ADAMTS16: variants seen among roughly 807,000 people sequenced by gnomAD.
ADAMTS16 encodes A disintegrin and metalloproteinase with thrombospondin motifs 16.
A neutral mutation model predicts 145.8 loss-of-function variants in ADAMTS16; 94 were observed. The observed-to-expected ratio is 0.64, with a 90% CI of 0.55 to 0.77. ADAMTS16 has a LOEUF of 0.77. ADAMTS16 is among the 30% of genes least tolerant of loss of function. ADAMTS16 has a pLI of 0.00. For synonymous variants in ADAMTS16, 659 were observed against 604.3 expected, an observed-to-expected ratio of 1.09 and a Z score of -1.33; for missense variants, 1,585 against 1,591.5, an observed-to-expected ratio of 1.00 and a Z score of 0.07.
chr5:5,166,606 G>C (rs1230430951), intron 3 of ADAMTS16, among the ~76,000 whole-genome samples: 1 of 152,084 alleles, frequency 6.6e-6, no homozygotes, highest in African/African-American at 2.4e-5. Context: ...TAAATCAGTA[G>C]AGAAAAAAAT....
At chr5:5,224,352 C>T (rs1284291970) in intron 11 of ADAMTS16, among the ~76,000 whole-genome samples, 3 of 151,982 alleles carry the variant, frequency 2.0e-5, no homozygotes, top group Non-Finnish European at 2.9e-5. Context: ...TGCAGTGGTG[C>T]GATCTCAGCT....
intron 6 of ADAMTS16, among the ~76,000 whole-genome samples, chr5:5,189,535 G>GA (rs1735599611): frequency 1.3e-5 from 2 of 152,108 alleles, no homozygotes; most frequent in South Asian, 4.1e-4. Context: ...TTATTTATTG[G>GA]AAATCCCACT....
chr5:5,199,767 T>C (rs1735906248), intron 8 of ADAMTS16, among the ~76,000 whole-genome samples: 1 of 152,124 alleles, frequency 6.6e-6, no homozygotes, highest in African/African-American at 2.4e-5. Flanking sequence ...CGAACACCCA[T>C]GGAAACTCTA....
At chr5:5,251,950 C>A (rs1399530863) in intron 17 of ADAMTS16, among the ~76,000 whole-genome samples, 3 of 152,100 alleles carry the variant, frequency 2.0e-5, no homozygotes, top group Non-Finnish European at 4.4e-5. Flanking sequence ...TCCCGGGTTC[C>A]CGCCATTCTC....
At chr5:5,255,698 A>G (rs1176680581) in intron 17 of ADAMTS16, among the ~76,000 whole-genome samples, 1 of 152,178 alleles carries the variant, frequency 6.6e-6, no homozygotes, top group Non-Finnish European at 1.5e-5. Context: ...TAGAAAATGT[A>G]CTCCTGATTT....
chr5:5,206,747 G>C (rs1736136100), intron 9 of ADAMTS16, among the ~76,000 whole-genome samples: 1 of 152,052 alleles, frequency 6.6e-6, no homozygotes, highest in South Asian at 2.1e-4. Context: ...CTCCCTAAGT[G>C]CTGGGATTAC....
In ADAMTS16 at chr5:5,153,411, G is replaced by T. The variant is rs534283848; in HGVS notation, c.501+6956G>T. 8.6e-5 allele frequency among the ~76,000 whole-genome samples: 13 copies of T among 150,764 alleles called. No individual in the cohort carries two copies. In the East Asian group the frequency reaches 1.6e-3, roughly 19 times the overall value. Reference sequence around the variant, plus strand: ...ATTAACCTAAATTCATTTTGTTCTTGTAATGAGTGATTGTATTTCCAATTT... The same window carrying T: ...ATTAACCTAAATTCATTTTGTTCTTTTAATGAGTGATTGTATTTCCAATTT... On this transcript the variant is annotated intron_variant, in intron 3 of 22. Coordinates refer to ENST00000274181, the MANE Select transcript of ADAMTS16 (RefSeq NM_139056.4).
intron 18 of ADAMTS16, among the ~76,000 whole-genome samples, chr5:5,288,403 G>A (rs1739180190): frequency 6.6e-6 from 1 of 152,204 alleles, no homozygotes; most frequent in South Asian, 2.1e-4. Context: ...CCGGTGAGAG[G>A]CAGGAAAAGA....
In ADAMTS16 at chr5:5,310,322, C is replaced by T. The variant is rs1740370133; in HGVS notation, c.3411+3594C>T. On this transcript the variant is annotated intron_variant, in intron 21 of 22. Coordinates refer to ENST00000274181, the MANE Select transcript of ADAMTS16 (RefSeq NM_139056.4). This position sits in a 1 kb window ranked among gnomAD's most constrained non-coding sequence, Gnocchi z 4.3. ...CAATTCCCTTTTCTGTGGCCACTTC[C>T]AGCCCGCCACTGGTCATCTCTCCTC... 6.6e-6 allele frequency among the ~76,000 whole-genome samples: 1 copy of T among 152,144 alleles called. No homozygotes were observed. The highest frequency in any genetic ancestry group is 2.1e-4 in the South Asian group (1 of 4,828).
In ADAMTS16 at chr5:5,320,203, G is replaced by T; in HGVS notation, c.*1065G>T. ...GCACCCTCCCTGCCATCCTCAGTGC[G>T]GCTGCTGTTCTCCTGTCCGGTGCTG... On this transcript the variant is annotated 3_prime_UTR_variant, in exon 23 of 23. Transcript: ENST00000274181. The surrounding 1 kb of genome is among the most constrained non-coding windows in gnomAD (Gnocchi z 5.1). 1 of 296,904 alleles carries T rather than the reference G, an allele frequency of 3.4e-6. No homozygotes were observed. Among genetic ancestry groups the T allele is most frequent in the Non-Finnish European group, 6.4e-6 (1 of 157,302 alleles). The allele number at this position is 296,904 out of a possible 1,614,324, so 18.4% of individuals were successfully genotyped here.
At chr5:5,149,673 GGA>G (rs1052653723) in intron 3 of ADAMTS16, among the ~76,000 whole-genome samples, 104 of 152,228 alleles carry the variant, frequency 6.8e-4, no homozygotes, top group African/African-American at 2.5e-3. Flanking sequence ...GAATCTAATA[GGA>G]GACATTTATA....
intron 16 of ADAMTS16, 144 bp from the exon 17 acceptor site, chr5:5,241,909 T>C: frequency 9.7e-7 from 1 of 1,026,726 alleles, no homozygotes; most frequent in East Asian, 2.7e-5. Context: ...TATGTAAAGT[T>C]TGGATGATAG....
At chr5:5,231,791 G>A (rs1419064900) in intron 11 of ADAMTS16, among the ~76,000 whole-genome samples, 1 of 152,194 alleles carries the variant, frequency 6.6e-6, no homozygotes, top group Non-Finnish European at 1.5e-5. Context: ...CCTTCGTGGG[G>A]ACAGATGAAA....
Position 5,319,054 on chromosome 5 carries a change from C to A in ADAMTS16, c.3591C>A (p.Cys1197Ter). ...TCTGCAAAGACTACTTCCACTGGTG[C>A]TACCTGGTACCCCAGCACGGGATGT... ...DAFCKDYFHW[C>*]YLVPQHGMCS... The change falls in exon 23 of 23, where the codon TGC (cysteine) becomes TGA (stop). Residue 1197 changes from cysteine to a stop codon, truncating the protein, a stop_gained. Coordinates refer to ENST00000274181, the MANE Select transcript of ADAMTS16 (RefSeq NM_139056.4). LOFTEE classifies it low-confidence loss of function (END_TRUNC). 6.2e-7 allele frequency: 1 copy of A among 1,613,384 alleles called. No homozygotes were observed. Among genetic ancestry groups the A allele is most frequent in the Non-Finnish European group, 8.5e-7 (1 of 1,179,792 alleles).
chr5:5,252,119 G>A (rs915647514), intron 17 of ADAMTS16, among the ~76,000 whole-genome samples: 2 of 152,188 alleles, frequency 1.3e-5, no homozygotes, highest in African/African-American at 4.8e-5. Context: ...AAAGTGCTGG[G>A]ATTGCAGGCG....
chr5:5,140,437 G>C lies in ADAMTS16; in HGVS notation c.-31G>C, dbSNP rs761648627. 13 of 1,492,252 alleles carry C rather than the reference G, an allele frequency of 8.7e-6. No homozygotes were observed. The East Asian group carries it at 3.1e-4, about 36-fold the overall frequency. The allele number at this position is 1,492,252 out of a possible 1,614,324, so 92.4% of individuals were successfully genotyped here. Reference sequence around the variant, plus strand: ...GCACGCTGCCGGCCGGGGACCCTCCGGTGGCCCCTAGCCCCTCGGAGCGCT... The same window carrying C: ...GCACGCTGCCGGCCGGGGACCCTCCCGTGGCCCCTAGCCCCTCGGAGCGCT... On this transcript the variant is annotated 5_prime_UTR_variant, in exon 1 of 23. Coordinates refer to ENST00000274181, the MANE Select transcript of ADAMTS16 (RefSeq NM_139056.4).
intron 17 of ADAMTS16, among the ~76,000 whole-genome samples, chr5:5,262,374 G>C (rs1352786754): frequency 6.6e-6 from 1 of 152,214 alleles, no homozygotes; most frequent in Non-Finnish European, 1.5e-5. Context: ...TTCAGCAAAT[G>C]TATGATGACA....
chr5:5,144,737 T>C (rs986641442), intron 2 of ADAMTS16, among the ~76,000 whole-genome samples: 9 of 152,174 alleles, frequency 5.9e-5, no homozygotes, highest in Admixed American at 5.9e-4. Context: ...TTGATTTCTA[T>C]TTAGAAGGCT....
At chr5:5,236,667 T>C (rs1213783697) in intron 13 of ADAMTS16, among the ~76,000 whole-genome samples, 1 of 152,126 alleles carries the variant, frequency 6.6e-6, no homozygotes, top group Non-Finnish European at 1.5e-5. Context: ...AGTGAAATAG[T>C]AAAGCATTAA....
Sources: gnomAD v4.1 joint callset for allele counts (sites outside exome capture counted in the v4.1 genomes callset) on GRCh38, gnomAD v4.1.1 for gene constraint, Gnocchi (gnomAD v3.1) non-coding constraint, MANE v1.5 for transcripts, NCBI Gene and HGNC (gene_info 2026-07-23, HGNC 2026-07-21) for gene names.